Variants in LRRC3B observed in about 807,000 individuals in gnomAD.
The protein encoded by LRRC3B is leucine rich repeat containing 3B.
Under a neutral mutation model 12.8 loss-of-function variants are expected in LRRC3B, and 2 were observed. That is an observed-to-expected ratio of 0.16 (90% CI 0.06 to 0.49). The LOEUF (loss-of-function observed/expected upper bound fraction) is 0.49, where lower values mean the gene tolerates loss of function less well. LRRC3B is among the 20% of genes least tolerant of loss of function. The pLI, the probability that LRRC3B is intolerant of heterozygous loss-of-function variation, is 0.96. For synonymous variants in LRRC3B, 132 were observed against 122.0 expected (o/e 1.08, Z -0.54); for missense variants, 189 against 319.4 (o/e 0.59, Z 3.11).
chr3:26,660,184 G>C (rs1274455000), intron 1 of LRRC3B, among the ~76,000 whole-genome samples: 1 of 152,130 alleles, frequency 6.6e-6, no homozygotes, highest in Non-Finnish European at 1.5e-5. Context: ...GATTGTAGGG[G>C]GTTTGCTTGT....
At chr3:26,674,029 A>G (rs748459804) in intron 1 of LRRC3B, among the ~76,000 whole-genome samples, 12 of 152,236 alleles carry the variant, frequency 7.9e-5, no homozygotes, top group Non-Finnish European at 1.6e-4. Context: ...GAGCTTTTGA[A>G]CTAAGTCAAC....
At chr3:26,660,532 C>T (rs942034129) in intron 1 of LRRC3B, among the ~76,000 whole-genome samples, 2 of 152,148 alleles carry the variant, frequency 1.3e-5, no homozygotes, top group Non-Finnish European at 2.9e-5. Context: ...TCATCATTTT[C>T]CTTCAACTGT....
chr3:26,655,345 C>T (rs922115849), intron 1 of LRRC3B, among the ~76,000 whole-genome samples: 1 of 152,158 alleles, frequency 6.6e-6, no homozygotes, highest in South Asian at 2.1e-4. Context: ...ATCTATTTCT[C>T]TCTTACGCTC....
chr3:26,694,330 T>C (rs1700256742), intron 1 of LRRC3B, among the ~76,000 whole-genome samples: 3 of 152,212 alleles, frequency 2.0e-5, no homozygotes, highest in Admixed American at 2.0e-4. Context: ...TCTGGGTTAA[T>C]AAATACTTTA....
At chr3:26,643,958 C>T (rs1699088385) in intron 1 of LRRC3B, among the ~76,000 whole-genome samples, 1 of 152,198 alleles carries the variant, frequency 6.6e-6, no homozygotes, top group South Asian at 2.1e-4. Flanking sequence ...CATATACGCA[C>T]AAAGAGCAAT....
intron 1 of LRRC3B, among the ~76,000 whole-genome samples, chr3:26,629,572 G>A (rs796259359): frequency 9.8e-5 from 15 of 152,308 alleles, no homozygotes; most frequent in African/African-American, 3.4e-4. Flanking sequence ...TATACACTGA[G>A]AAGAGTCCTG....
intron 1 of LRRC3B, among the ~76,000 whole-genome samples, chr3:26,677,210 CA>C (rs1399245364): frequency 6.6e-6 from 1 of 152,000 alleles, no homozygotes; most frequent in Non-Finnish European, 1.5e-5. Flanking sequence ...CAGGGCTATG[CA>C]AAAAATAAGG....
intron 1 of LRRC3B, among the ~76,000 whole-genome samples, chr3:26,707,398 G>T (rs890190805): frequency 6.6e-6 from 1 of 151,812 alleles, no homozygotes; most frequent in Admixed American, 6.6e-5. Flanking sequence ...AATAAATAAA[G>T]CTGATATACA....
At chr3:26,687,447 A>G (rs1700110771) in intron 1 of LRRC3B, among the ~76,000 whole-genome samples, 1 of 152,190 alleles carries the variant, frequency 6.6e-6, no homozygotes, top group Admixed American at 6.5e-5. Context: ...ATATGCTTCC[A>G]AATATGAGTT....
At position 26,655,939 on chromosome 3, in the gene LRRC3B, G is replaced by A. The variant is rs140974998; in HGVS notation, c.-161+32702G>A. ...GGAAACCACGACTCAGAGACTAAAGGACTAGTCAAAATGGTCATACTAATA... is the reference window on the plus strand; with the variant it reads ...GGAAACCACGACTCAGAGACTAAAGAACTAGTCAAAATGGTCATACTAATA... On this transcript the variant is annotated intron_variant, in intron 1 of 1. Coordinates refer to ENST00000396641, the Ensembl canonical transcript of LRRC3B. Among the ~76,000 whole-genome samples, 414 of 152,216 alleles carry A rather than the reference G, an allele frequency of 2.7e-3. 1 individual carries two copies. The highest frequency in any genetic ancestry group is 5.2e-3 in the Non-Finnish European group (355 of 68,002).
chr3:26,680,417 C>G (rs1012753947), intron 1 of LRRC3B, among the ~76,000 whole-genome samples: 2 of 152,184 alleles, frequency 1.3e-5, no homozygotes, highest in Admixed American at 6.5e-5. Flanking sequence ...AAAGAACGTT[C>G]TTACAGGATT....
At chr3:26,673,082 A>C (rs957798434) in intron 1 of LRRC3B, among the ~76,000 whole-genome samples, 2 of 152,350 alleles carry the variant, frequency 1.3e-5, no homozygotes, top group South Asian at 2.1e-4. Context: ...CATGAAATAA[A>C]TCTTAGAAGT....
chr3:26,703,856 A>C (rs1186190484), intron 1 of LRRC3B, among the ~76,000 whole-genome samples: 1 of 149,086 alleles, frequency 6.7e-6, no homozygotes, highest in Non-Finnish European at 1.5e-5. Context: ...CCATTGTTCA[A>C]CTCTTTCATG....
At chr3:26,685,523 C>CTCTATATATATA (rs1200535225) in intron 1 of LRRC3B, among the ~76,000 whole-genome samples, 1 of 38,320 alleles carries the variant, frequency 2.6e-5, no homozygotes, top group African/African-American at 1.3e-4. Flanking sequence ...CTCTCTCTCT[C>CTCTATATATATA]TATATATATA....
intron 1 of LRRC3B, among the ~76,000 whole-genome samples, chr3:26,659,988 A>G (rs1308093532): frequency 6.6e-6 from 1 of 152,194 alleles, no homozygotes; most frequent in Non-Finnish European, 1.5e-5. Flanking sequence ...GCCTTATCCC[A>G]GCAAATTTCT....
At chr3:26,635,661 G>C (rs1698853222) in intron 1 of LRRC3B, among the ~76,000 whole-genome samples, 1 of 152,184 alleles carries the variant, frequency 6.6e-6, no homozygotes, top group Non-Finnish European at 1.5e-5. Context: ...CCAGTCTATG[G>C]CAATTTGTTA....
At chr3:26,642,525 GTC>G (rs1370437396) in intron 1 of LRRC3B, among the ~76,000 whole-genome samples, 1 of 152,192 alleles carries the variant, frequency 6.6e-6, no homozygotes, top group Non-Finnish European at 1.5e-5. Context: ...AGAGAGCAGA[GTC>G]TCTGAGAATG....
At chr3:26,640,179 C>A (rs1698993863) in intron 1 of LRRC3B, among the ~76,000 whole-genome samples, 1 of 152,044 alleles carries the variant, frequency 6.6e-6, no homozygotes, top group Non-Finnish European at 1.5e-5. Flanking sequence ...TTCAAAGAGC[C>A]TAATTTAAGA....
At chr3:26,633,925 T>C (rs1267257264) in intron 1 of LRRC3B, among the ~76,000 whole-genome samples, 1 of 152,216 alleles carries the variant, frequency 6.6e-6, no homozygotes, top group Admixed American at 6.5e-5. Flanking sequence ...ATCCATATTT[T>C]TATGTGTAAG....
Sources: gnomAD v4.1 joint callset for allele counts (sites outside exome capture counted in the v4.1 genomes callset) on GRCh38, gnomAD v4.1.1 for gene constraint, MANE v1.5 for transcripts, NCBI Gene and HGNC (gene_info 2026-07-23, HGNC 2026-07-21) for gene names.